RLF: variants seen among roughly 807,000 people sequenced by gnomAD.
RLF encodes the protein zinc finger protein Rlf.
In RLF, 7 loss-of-function variants were observed where a neutral mutation model predicts 162.9. That is an observed-to-expected ratio of 0.04 (90% CI 0.02 to 0.08). The LOEUF (loss-of-function observed/expected upper bound fraction) is 0.08. RLF is among the 10% of genes least tolerant of loss of function. The pLI is 1.00. For missense variants in RLF, 1,664 were observed against 2,244.7 expected, an observed-to-expected ratio of 0.74 and a Z score of 5.23; for synonymous variants, 782 against 791.5, an observed-to-expected ratio of 0.99 and a Z score of 0.20.
intron 6 of RLF, among the ~76,000 whole-genome samples, chr1:40,229,706 G>A (rs552565337): frequency 1.3e-5 from 2 of 151,664 alleles, no homozygotes; most frequent in African/African-American, 4.8e-5. Flanking sequence ...ACCTGCCTTG[G>A]CCTCCCAAAG....
Position 40,161,747 on chromosome 1 carries a change from C to G in RLF, c.237+111C>G. 7.1e-7 allele frequency: 1 copy of G among 1,413,962 alleles called. No homozygotes were observed. The highest frequency in any genetic ancestry group is 9.3e-7 in the Non-Finnish European group (1 of 1,070,416). 87.6% of individuals were successfully genotyped at this position (1,413,962 alleles called of 1,614,324 possible). A position where few individuals can be genotyped will look rare whatever the true frequency, so the allele number is the denominator to read the frequency against. On this transcript the variant is annotated intron_variant, in intron 1 of 7. Transcript: ENST00000372771. This position sits in a 1 kb window ranked among gnomAD's most constrained non-coding sequence, Gnocchi z 4.4. ...AAACTGAAAGGCGCCACCTCCGTGA[C>G]TCGCCGCGCCCCCGGGCCGGGAAGG...
Position 40,195,764 on chromosome 1 carries a change from G to GGTAA in RLF, c.607+3_607+6dup, listed in dbSNP as rs1642627085. 1.1e-5 allele frequency: 17 copies of GGTAA among 1,613,132 alleles called. No homozygotes were observed. The highest frequency in any genetic ancestry group is 1.4e-5 in the Non-Finnish European group (17 of 1,179,620). Reference sequence around the variant, plus strand: ...TCAACAGCCAGTAGAAACGGAGGAAGGTAAGTCTTAAGACTATATTGGATG... The same window carrying GGTAA: ...TCAACAGCCAGTAGAAACGGAGGAAGGTAAGTAAGTCTTAAGACTATATTGGATG... On this transcript the variant is annotated frameshift_variant and splice_region_variant. Coordinates refer to ENST00000372771, the MANE Select transcript of RLF (RefSeq NM_012421.4). LOFTEE classifies it high-confidence loss of function.
chr1:40,231,672 G>A lies in RLF; in HGVS notation c.1089+14G>A. The A allele has an allele frequency of 1.3e-6, 2 of 1,599,796 alleles. No individual in the cohort carries two copies. The highest frequency in any genetic ancestry group is 1.1e-5 in the South Asian group (1 of 88,360). On this transcript the variant is annotated intron_variant, in intron 7 of 7. Transcript: ENST00000372771. Reference sequence around the variant, plus strand: ...ATACAAACTGAAGTGAGTACTTTATGCCTTCTCTGCTAACTGTAGCTGGAG... The same window carrying A: ...ATACAAACTGAAGTGAGTACTTTATACCTTCTCTGCTAACTGTAGCTGGAG...
In RLF at chr1:40,226,865, T is replaced by C. The variant is rs545000255; in HGVS notation, c.947+4155T>C. Reference sequence around the variant, plus strand: ...TTGTATGTATATATGTGTGTATGTATTTATTCATTTATTTTTGAGATAGAG... The same window carrying C: ...TTGTATGTATATATGTGTGTATGTACTTATTCATTTATTTTTGAGATAGAG... On this transcript the variant is annotated intron_variant, in intron 6 of 7. Transcript: ENST00000372771. Among the ~76,000 whole-genome samples the C allele has an allele frequency of 1.6e-4, 24 of 152,172 alleles. 1 individual carries two copies. In the South Asian group the frequency reaches 5.0e-3, roughly 32 times the overall value.
chr1:40,169,762 G>A (rs1401210244), intron 1 of RLF, among the ~76,000 whole-genome samples: 19 of 146,070 alleles, frequency 1.3e-4, no homozygotes, highest in African/African-American at 4.5e-4. Flanking sequence ...ACGTGATCTC[G>A]GCTCACTGCA....
At chr1:40,228,541 C>A (rs1256000598) in intron 6 of RLF, among the ~76,000 whole-genome samples, 1 of 151,868 alleles carries the variant, frequency 6.6e-6, no homozygotes, top group Non-Finnish European at 1.5e-5. Flanking sequence ...CAAGATCATG[C>A]CATTGCACTG....
intron 1 of RLF, among the ~76,000 whole-genome samples, chr1:40,177,106 GAC>G (rs1368380603): frequency 4.0e-5 from 6 of 151,780 alleles, no homozygotes; most frequent in Non-Finnish European, 8.8e-5. Flanking sequence ...TCCTGCCTCA[GAC>G]TCCTGAGTAG....
At chr1:40,187,022 CTTTGTTT>C (rs759874446) in intron 1 of RLF, among the ~76,000 whole-genome samples, 1 of 151,438 alleles carries the variant, frequency 6.6e-6, no homozygotes, top group Non-Finnish European at 1.5e-5. Flanking sequence ...TAATAAATTT[CTTTGTTT>C]TTTGTTTTTT....
intron 5 of RLF, among the ~76,000 whole-genome samples, chr1:40,217,996 A>G (rs556730660): frequency 6.6e-6 from 1 of 152,342 alleles, no homozygotes; most frequent in East Asian, 1.9e-4. Flanking sequence ...TGTAAGATTT[A>G]AGGATAGTTT....
intron 4 of RLF, among the ~76,000 whole-genome samples, chr1:40,200,491 G>C (rs9438935): frequency 6.6e-6 from 1 of 152,034 alleles, no homozygotes; most frequent in African/African-American, 2.4e-5. Context: ...ATAAATTATA[G>C]CACATCCATA....
chr1:40,223,095 T>A (rs934633812), intron 6 of RLF, among the ~76,000 whole-genome samples: 1 of 152,232 alleles, frequency 6.6e-6, no homozygotes, highest in Admixed American at 6.5e-5. Flanking sequence ...TATCTAGGTT[T>A]CTAGGTCAAA....
intron 4 of RLF, among the ~76,000 whole-genome samples, chr1:40,196,939 G>A (rs554279153): frequency 1.3e-5 from 2 of 152,244 alleles, no homozygotes. Context: ...CGTCAAGTTA[G>A]TGGAAAGTTC....
rs72937400 is a variant in RLF at position 40,212,473 on chromosome 1, G to C, written c.810+9859G>C. On this transcript the variant is annotated intron_variant, in intron 5 of 7. Transcript: ENST00000372771. ...AAGTTATAGACTTGGCAGTGGCTCA[G>C]TGTCCCAAGTGGATGTTTCCTATAT... is the stretch of plus-strand genomic sequence containing the variant. 2.6e-3 allele frequency among the ~76,000 whole-genome samples: 394 copies of C among 152,328 alleles called. 2 individuals are homozygous for C. The highest frequency in any genetic ancestry group is 9.1e-3 in the African/African-American group (377 of 41,562).
Position 40,238,751 on chromosome 1 carries a change from G to T in RLF, c.4049G>T (p.Arg1350Ile). 6.2e-7 allele frequency: 1 copy of T among 1,613,686 alleles called. No homozygotes were observed. The highest frequency in any genetic ancestry group is 8.5e-7 in the Non-Finnish European group (1 of 1,179,790). Reference sequence around the variant, plus strand: ...TTATGTTTGGAGAAAGACAAAGCAAGAACCAAAAGGGAACTTGTCAAATGT... The same window carrying T: ...TTATGTTTGGAGAAAGACAAAGCAATAACCAAAAGGGAACTTGTCAAATGT... ...EQLCLEKDKA[R>I]TKRELVKCKK... The change falls in exon 8 of 8, where the codon AGA (arginine) becomes ATA (isoleucine). Residue 1350 changes from arginine to isoleucine, a missense_variant. By Grantham distance (97) the Arg-to-Ile change is moderately conservative. Transcript: ENST00000372771. This position sits in a 1 kb window ranked among gnomAD's most constrained non-coding sequence, Gnocchi z 5.2.
At chr1:40,164,829 G>C (rs999697117) in intron 1 of RLF, among the ~76,000 whole-genome samples, 1 of 152,040 alleles carries the variant, frequency 6.6e-6, no homozygotes, top group Non-Finnish European at 1.5e-5. Flanking sequence ...AGTAAACCAC[G>C]TTTATATGAG....
rs1216989393 is a variant in RLF, at chr1:40,238,167, A to G, written c.3465A>G (p.Ser1155=). 8 of 1,613,936 alleles carry G rather than the reference A, an allele frequency of 5.0e-6. No individual in the cohort carries two copies. Among genetic ancestry groups the G allele is most frequent in the Non-Finnish European group, 6.8e-6 (8 of 1,179,970 alleles). Residue 1155 remains serine (S), a synonymous_variant, in exon 8 of 8, where the codon TCA becomes TCG. Coordinates refer to ENST00000372771, the MANE Select transcript of RLF (RefSeq NM_012421.4). The surrounding 1 kb of genome is among the most constrained non-coding windows in gnomAD (Gnocchi z 5.2). ...ATTATCTTAAAAAGCATAATTATTC[A>G]AAAGAAAAAGTCCTTCAGTTAACCA... ...LMHYLKKHNY[S]KEKVLQLTMF...
chr1:40,200,071 G>A (rs1642690372), intron 4 of RLF, among the ~76,000 whole-genome samples: 1 of 152,174 alleles, frequency 6.6e-6, no homozygotes, highest in Admixed American at 6.5e-5. Flanking sequence ...AAGTGATTGT[G>A]ACCTGTTTTC....
intron 5 of RLF, among the ~76,000 whole-genome samples, chr1:40,207,470 A>G (rs1489783094): frequency 6.6e-6 from 1 of 152,216 alleles, no homozygotes; most frequent in Non-Finnish European, 1.5e-5. Flanking sequence ...GAAACCAAGT[A>G]CAGTGTTGTG....
intron 4 of RLF, among the ~76,000 whole-genome samples, 154 bp downstream of exon 4, chr1:40,195,918 GC>G (rs1389451992): frequency 6.6e-6 from 1 of 152,070 alleles, no homozygotes; most frequent in African/African-American, 2.4e-5. Flanking sequence ...TTAATGTTTT[GC>G]TTAAGTAAGG....
Sources: allele counts gnomAD v4.1 joint callset (sites outside exome capture counted in the v4.1 genomes callset), GRCh38; gene constraint gnomAD v4.1.1; non-coding constraint Gnocchi (gnomAD v3.1); transcripts MANE v1.5; gene names NCBI Gene and HGNC (gene_info 2026-07-23, HGNC 2026-07-21).